Variants in RNF150 observed in about 807,000 individuals in gnomAD.
The protein encoded by RNF150 is ring finger protein 150.
Under a neutral mutation model 39.3 loss-of-function variants are expected in RNF150, and 24 were observed. That is an observed-to-expected ratio of 0.61 (90% CI 0.44 to 0.86). The LOEUF is 0.86. Among genes scored for constraint, RNF150 ranks in the 40% least tolerant of loss-of-function variants. The probability of loss-of-function intolerance (pLI) is 0.00; values close to 1 mark genes in which losing one functional copy is unlikely to be tolerated. For synonymous variants in RNF150, 255 were observed against 227.3 expected (o/e 1.12, Z -1.10); for missense variants, 502 against 587.8 (o/e 0.85, Z 1.51).
chr4:141,137,556 T>A (rs1358870293), upstream of RNF150, among the ~76,000 whole-genome samples: 1 of 152,196 alleles, frequency 6.6e-6, no homozygotes, highest in Non-Finnish European at 1.5e-5. Flanking sequence ...AGTCATTTTC[T>A]GAGATGAAGA....
intron 1 of RNF150, among the ~76,000 whole-genome samples, chr4:141,129,591 A>C (rs1726840824): frequency 6.6e-6 from 1 of 152,218 alleles, no homozygotes; most frequent in African/African-American, 2.4e-5. Flanking sequence ...GCATACTTTA[A>C]ATGAGTGAAC....
chr4:141,112,284 T>C (rs1327933473), intron 1 of RNF150, among the ~76,000 whole-genome samples: 1 of 152,088 alleles, frequency 6.6e-6, no homozygotes, highest in Non-Finnish European at 1.5e-5. Flanking sequence ...GATAGCTGGT[T>C]ATTTTGCCCA....
At chr4:141,206,461 C>A (rs1224228730) in intron 1 of RNF150, among the ~76,000 whole-genome samples, 1 of 146,402 alleles carries the variant, frequency 6.8e-6, no homozygotes, top group Non-Finnish European at 1.5e-5. Flanking sequence ...ACCAAAACAC[C>A]AAGTTCAAAA....
intron 1 of RNF150, among the ~76,000 whole-genome samples, chr4:140,997,377 C>T (rs1407245630): frequency 1.3e-5 from 2 of 152,088 alleles, no homozygotes; most frequent in Non-Finnish European, 2.9e-5. Flanking sequence ...AATCCCAGCA[C>T]TTTGGGAGGC....
chr4:141,110,456 C>G (rs1739350150), intron 1 of RNF150, among the ~76,000 whole-genome samples: 3 of 152,028 alleles, frequency 2.0e-5, no homozygotes, highest in African/African-American at 7.3e-5. Context: ...GGTAGGGTCT[C>G]ACTGTGTCAC....
intron 1 of RNF150, among the ~76,000 whole-genome samples, chr4:141,112,178 C>G (rs1215745996): frequency 1.3e-5 from 2 of 152,146 alleles, no homozygotes; most frequent in African/African-American, 4.8e-5. Flanking sequence ...GAGTCTTTAT[C>G]CAATTTGCCA....
At chr4:140,897,634 G>T (rs1730012601) in intron 6 of RNF150, among the ~76,000 whole-genome samples, 1 of 152,138 alleles carries the variant, frequency 6.6e-6, no homozygotes, top group African/African-American at 2.4e-5. Flanking sequence ...CAGTTTCTTA[G>T]ATATAAAAGA....
intron 1 of RNF150, among the ~76,000 whole-genome samples, chr4:141,069,477 G>T: frequency 9.9e-6 from 1 of 100,746 alleles, no homozygotes; most frequent in Non-Finnish European, 2.0e-5. Flanking sequence ...TTTTATTGAG[G>T]ATTTTTGCAT....
rs1730591543 is a variant in RNF150 at position 140,911,280 on chromosome 4, G to C, written c.1062C>G (p.Ile354Met). 2 of 1,614,038 alleles carry C rather than the reference G, an allele frequency of 1.2e-6. No homozygotes were observed. Among genetic ancestry groups the C allele is most frequent in the South Asian group, 1.1e-5 (1 of 91,076 alleles). ...TCACTGTTGTGTCGCTGGCACCTGTGATCTGGTTGGTGGGTGGACCTCCCA... is the reference window on the plus strand; with the variant it reads ...TCACTGTTGTGTCGCTGGCACCTGTCATCTGGTTGGTGGGTGGACCTCCCA... The part of the protein sequence containing the change: ...GSLGGPPTNQ[I>M]TGASDTTVNE... The change falls in exon 6 of 7, where the codon ATC becomes ATG. Residue 354 changes from isoleucine to methionine, a missense_variant. Coordinates refer to ENST00000515673, the MANE Select transcript of RNF150 (RefSeq NM_020724.2).
At chr4:140,904,498 C>T (rs969821860) in intron 6 of RNF150, among the ~76,000 whole-genome samples, 13 of 152,188 alleles carry the variant, frequency 8.5e-5, no homozygotes, top group Middle Eastern at 3.2e-3. Flanking sequence ...AGAGACTTCG[C>T]CATTTCAGGC....
At chr4:141,066,392 C>T (rs908854250) in intron 1 of RNF150, among the ~76,000 whole-genome samples, 1 of 152,124 alleles carries the variant, frequency 6.6e-6, no homozygotes, top group South Asian at 2.1e-4. Context: ...GATCATTGTA[C>T]TGTGAACAAA....
At chr4:140,872,954 GGTTTTTGTTTTT>G (rs1045514356) in intron 6 of RNF150, among the ~76,000 whole-genome samples, 4 of 152,236 alleles carry the variant, frequency 2.6e-5, no homozygotes, top group East Asian at 3.9e-4. Context: ...AGAGATGAGA[GGTTTTTGTTTTT>G]GTTTTTGTTT....
At chr4:141,015,588 T>C (rs911529167) in intron 1 of RNF150, among the ~76,000 whole-genome samples, 1 of 152,190 alleles carries the variant, frequency 6.6e-6, no homozygotes, top group Admixed American at 6.6e-5. Context: ...TGCTGATTTT[T>C]GGGTGCTGAT....
chr4:140,999,677 G>A (rs1734503031), intron 1 of RNF150, among the ~76,000 whole-genome samples: 1 of 152,084 alleles, frequency 6.6e-6, no homozygotes, highest in Non-Finnish European at 1.5e-5. Flanking sequence ...GCTCACATCT[G>A]TAATCTCAGC....
intron 5 of RNF150, among the ~76,000 whole-genome samples, chr4:140,916,839 A>T (rs1264251575): frequency 6.6e-6 from 1 of 152,218 alleles, no homozygotes; most frequent in Non-Finnish European, 1.5e-5. Context: ...CTAACAGCTG[A>T]TCTCTTGGCA....
At chr4:140,935,092 A>AAT (rs1180904026) in intron 4 of RNF150, among the ~76,000 whole-genome samples, 1 of 132,818 alleles carries the variant, frequency 7.5e-6, no homozygotes. Context: ...ATATATAATA[A>AAT]ATATATATAT....
At chr4:141,057,912 G>GA (rs1394556279) in intron 1 of RNF150, among the ~76,000 whole-genome samples, 3 of 152,026 alleles carry the variant, frequency 2.0e-5, no homozygotes, top group African/African-American at 7.2e-5. Flanking sequence ...AACTCAAAGA[G>GA]GTTTTCTCCT....
chr4:141,167,965 C>A (rs556233326), intron 1 of RNF150, among the ~76,000 whole-genome samples: 1 of 152,146 alleles, frequency 6.6e-6, no homozygotes, highest in Admixed American at 6.5e-5. Context: ...GACTAAAGAG[C>A]TTCTGCACAG....
chr4:141,172,808 T>C (rs1255157422), intron 1 of RNF150, among the ~76,000 whole-genome samples: 1 of 152,132 alleles, frequency 6.6e-6, no homozygotes, highest in Non-Finnish European at 1.5e-5. Context: ...GCAGATCACC[T>C]GAGGTCAGGA....
Sources: gnomAD v4.1 joint callset for allele counts (sites outside exome capture counted in the v4.1 genomes callset) on GRCh38, gnomAD v4.1.1 for gene constraint, MANE v1.5 for transcripts, NCBI Gene and HGNC (gene_info 2026-07-23, HGNC 2026-07-21) for gene names.